The following CUX1 variants were observed in gnomAD, a reference collection of about 807,000 sequenced individuals.
CUX1 encodes the protein cut like homeobox 1, also known as protein CASP.
CUX1 carries 31 observed loss-of-function variants against 158.8 expected under a neutral mutation model. The observed-to-expected ratio is 0.20, with a 90% CI of 0.15 to 0.26. The LOEUF is 0.26. CUX1 is among the 10% of genes least tolerant of loss of function. The pLI is 1.00. For missense variants in CUX1, 1,589 were observed against 2,014.6 expected (o/e 0.79, Z 4.04); for synonymous variants, 879 against 862.1 (o/e 1.02, Z -0.34).
chr7:102,070,937 T>G (rs1563203522), intron 4 of CUX1, among the ~76,000 whole-genome samples: 11 of 4,406 alleles, frequency 2.5e-3, no homozygotes, highest in African/African-American at 0.011. Context: ...CAGTTGTTTC[T>G]TTTATTTTTT....
chr7:102,195,238 T>C (rs192062678), intron 13 of CUX1, among the ~76,000 whole-genome samples: 1 of 137,490 alleles, frequency 7.3e-6, no homozygotes, highest in Non-Finnish European at 1.6e-5. Context: ...TGAGAACAGA[T>C]GAGAGAATAA....
intron 1 of CUX1, among the ~76,000 whole-genome samples, chr7:101,883,406 G>A (rs1799912879): frequency 1.3e-5 from 2 of 152,090 alleles, no homozygotes; most frequent in South Asian, 4.1e-4. Context: ...TGTACACATA[G>A]ACAAAACCTG....
intron 2 of CUX1, among the ~76,000 whole-genome samples, chr7:101,969,954 A>G (rs979942538): frequency 7.3e-6 from 1 of 136,468 alleles, no homozygotes; most frequent in Admixed American, 8.7e-5. Flanking sequence ...TTCTGAAACC[A>G]TCCTTGTCTT....
chr7:102,018,764 T>G lies in CUX1; in HGVS notation c.142-9334T>G, dbSNP rs79949451. ...CGTGCGTGCGTGCGTGCGCTGTATC[T>G]CTCAGTATTGACTGTGTTAGACATG... On this transcript the variant is annotated intron_variant, in intron 2 of 23. Coordinates refer to ENST00000292535, the MANE Select transcript of CUX1 (RefSeq NM_181552.4). Among the ~76,000 whole-genome samples, 3 of 152,178 alleles carry G rather than the reference T, an allele frequency of 2.0e-5. No individual in the cohort carries two copies. In the East Asian group the frequency reaches 5.8e-4, roughly 29 times the overall value.
intron 8 of CUX1, among the ~76,000 whole-genome samples, chr7:102,124,684 G>A (rs920739483): frequency 6.6e-6 from 1 of 152,132 alleles, no homozygotes; most frequent in Non-Finnish European, 1.5e-5. Context: ...TTGGTTAAAT[G>A]ATACATATTT....
chr7:101,995,948 C>T (rs1815810074), intron 2 of CUX1, among the ~76,000 whole-genome samples: 2 of 151,982 alleles, frequency 1.3e-5, no homozygotes, highest in African/African-American at 4.8e-5. Flanking sequence ...CTCCATCTCT[C>T]CTAAAAATAC....
chr7:101,836,639 C>G (rs551474035), intron 1 of CUX1, among the ~76,000 whole-genome samples: 2 of 136,806 alleles, frequency 1.5e-5, no homozygotes, highest in East Asian at 4.1e-4. Context: ...GTCAGGAGTT[C>G]GAGACCAGCC....
chr7:102,281,904 A>G, exon 21 of CUX1: 1 of 1,612,404 alleles, frequency 6.2e-7, no homozygotes, highest in Non-Finnish European at 8.5e-7. Context: ...CTGTTCCTGC[A>G]CTGCCTGGTC....
At chr7:101,843,960 AAGTCACACACTT>A (rs1215968282) in intron 1 of CUX1, among the ~76,000 whole-genome samples, 1 of 152,156 alleles carries the variant, frequency 6.6e-6, no homozygotes, top group Non-Finnish European at 1.5e-5. Flanking sequence ...TGCAGATTGG[AAGTCACACACTT>A]AGTCTGAGTT....
intron 22 of CUX1, chr7:102,282,878 T>G: frequency 5.1e-6 from 4 of 781,300 alleles, no homozygotes; most frequent in African/African-American, 2.3e-5. Flanking sequence ...TCCTTAGCCC[T>G]CCATCACAGC....
intron 2 of CUX1, among the ~76,000 whole-genome samples, chr7:101,974,807 A>G (rs1321207142): frequency 5.3e-5 from 8 of 152,156 alleles, no homozygotes; most frequent in Admixed American, 3.9e-4. Context: ...TGTATAATAA[A>G]CACATGGAAA....
At chr7:101,993,654 C>G (rs911562833) in intron 2 of CUX1, among the ~76,000 whole-genome samples, 1 of 152,244 alleles carries the variant, frequency 6.6e-6, no homozygotes, top group Non-Finnish European at 1.5e-5. Flanking sequence ...ACCTCCACGG[C>G]CTAGCTATGT....
chr7:102,116,362 A>G (rs1554491796), intron 8 of CUX1, among the ~76,000 whole-genome samples: 1 of 152,102 alleles, frequency 6.6e-6, no homozygotes. Flanking sequence ...TGAAACTTAC[A>G]AAGACTAAAA....
In CUX1 at chr7:102,033,875, G is replaced by A. The variant is rs117727966; in HGVS notation, c.189+5730G>A. Among the ~76,000 whole-genome samples the A allele has an allele frequency of 7.2e-5, 11 of 152,164 alleles. No individual in the cohort carries two copies. The East Asian group carries it at 1.2e-3, about 16-fold the overall frequency. Reference sequence around the variant, plus strand: ...AAGTCAGTCTTATTGGCCACGCATGGTGGCTTACGTCTCTAATCTCAGCAC... The same window carrying A: ...AAGTCAGTCTTATTGGCCACGCATGATGGCTTACGTCTCTAATCTCAGCAC... On this transcript the variant is annotated intron_variant, in intron 3 of 23. Transcript: ENST00000292535.
chr7:102,146,644 C>T (rs1835056306), intron 8 of CUX1, among the ~76,000 whole-genome samples: 2 of 152,150 alleles, frequency 1.3e-5, no homozygotes, highest in Non-Finnish European at 2.9e-5. Context: ...GTTGCCCAGG[C>T]TGGAGTACAG....
At position 102,256,677 on chromosome 7, in the gene CUX1, C is replaced by G. The variant is rs1554542148; in HGVS notation, c.*7635C>G. On this transcript the variant is annotated 3_prime_UTR_variant, in exon 24 of 24. Coordinates refer to ENST00000292535, the MANE Select transcript of CUX1 (RefSeq NM_181552.4). ...TGAAGAATGCTCGCTTGAGGAGCTT[C>G]AGAGGAATCTTAGCAAAGCCAAGTT... The G allele has an allele frequency of 1.0e-6, 1 of 985,386 alleles. No individual in the cohort carries two copies. Among genetic ancestry groups the G allele is most frequent in the Non-Finnish European group, 1.2e-6 (1 of 829,936 alleles). The allele number at this position is 985,386 out of a possible 1,614,324, so 61.0% of individuals were successfully genotyped here.
At chr7:102,237,501 C>T (rs1799693529) in intron 22 of CUX1, among the ~76,000 whole-genome samples, 1 of 152,100 alleles carries the variant, frequency 6.6e-6, no homozygotes, top group Admixed American at 6.6e-5. Flanking sequence ...AGGCTGGTCT[C>T]AAACTCCTAG....
chr7:102,161,437 C>T (rs1554507118), intron 9 of CUX1: 1 of 152,076 alleles, frequency 6.6e-6, no homozygotes, highest in Non-Finnish European at 1.5e-5. Flanking sequence ...TAAAGTCCTG[C>T]CTTCAGGAAA....
At chr7:101,990,866 C>T (rs1044563042) in intron 2 of CUX1, among the ~76,000 whole-genome samples, 34 of 152,156 alleles carry the variant, frequency 2.2e-4, no homozygotes, top group African/African-American at 7.0e-4. Flanking sequence ...GGCTCTGAGC[C>T]CTTTGCACCT....
Sources: allele counts gnomAD v4.1 joint callset (sites outside exome capture counted in the v4.1 genomes callset), GRCh38; gene constraint gnomAD v4.1.1; transcripts MANE v1.5; gene names NCBI Gene and HGNC (gene_info 2026-07-23, HGNC 2026-07-21).